Variants in CDH4 observed in about 807,000 individuals in gnomAD.
CDH4 encodes the protein cadherin 4, also known as cadherin-4.
CDH4 carries 33 observed loss-of-function variants against 86.0 expected under a neutral mutation model. That is an observed-to-expected ratio of 0.38 (90% CI 0.29 to 0.51). CDH4 has a LOEUF of 0.51. Ranked by LOEUF, CDH4 falls within the 20% of genes least tolerant of loss-of-function variation. The pLI, the probability that CDH4 is intolerant of heterozygous loss-of-function variation, is 0.86. For missense variants in CDH4, 1,114 were observed against 1,307.4 expected (o/e 0.85, Z 2.28); for synonymous variants, 555 against 549.4 (o/e 1.01, Z -0.14).
intron 5 of CDH4, among the ~76,000 whole-genome samples, chr20:61,850,149 G>A (rs777065657): frequency 7.9e-5 from 12 of 152,322 alleles, no homozygotes; most frequent in South Asian, 2.1e-4. Flanking sequence ...GAAGGATTCC[G>A]TAAGTTAGAC....
At chr20:61,288,001 T>C (rs960678333) in intron 2 of CDH4, among the ~76,000 whole-genome samples, 4 of 152,154 alleles carry the variant, frequency 2.6e-5, no homozygotes, top group Admixed American at 1.3e-4. Context: ...CAGTGAAATA[T>C]GAGTTCCACA....
At chr20:61,646,561 C>T (rs2427223) in intron 2 of CDH4, among the ~76,000 whole-genome samples, 37,414 of 152,130 alleles carry the variant, frequency 0.25, 4,731 homozygotes, top group South Asian at 0.36. Flanking sequence ...GTAGAGAGAA[C>T]GGGGTTGCTG....
intron 2 of CDH4, among the ~76,000 whole-genome samples, chr20:61,547,356 G>A (rs1333378617): frequency 3.9e-5 from 6 of 151,910 alleles, no homozygotes; most frequent in Non-Finnish European, 7.4e-5. Flanking sequence ...GGGACTACAG[G>A]CACCTGCCAC....
chr20:61,336,242 C>CT (rs915005201), intron 2 of CDH4, among the ~76,000 whole-genome samples: 21 of 151,934 alleles, frequency 1.4e-4, no homozygotes, highest in Non-Finnish European at 2.2e-4. Flanking sequence ...CTCAATAAGC[C>CT]TTTTTTTTCT....
At chr20:61,384,075 T>A (rs938887867) in intron 2 of CDH4, among the ~76,000 whole-genome samples, 2 of 151,988 alleles carry the variant, frequency 1.3e-5, no homozygotes, top group Non-Finnish European at 2.9e-5. Flanking sequence ...GTCTCTCTCT[T>A]CACATTTTTC....
intron 3 of CDH4, among the ~76,000 whole-genome samples, chr20:61,760,876 C>T (rs992851552): frequency 5.3e-5 from 8 of 152,146 alleles, no homozygotes; most frequent in African/African-American, 1.4e-4. Flanking sequence ...AGTGCCTTTT[C>T]GGAATGAAAC....
rs111474946 is a variant in CDH4, at chr20:61,281,555, T to G, written c.169+26618T>G. The stretch of plus-strand genomic sequence containing the variant: ...GCTTTGTGACAGCAGCCAGAAAGAC[T>G]GACACCAAGTGCTCCTGGTGGTCTG... On this transcript the variant is annotated intron_variant, in intron 2 of 15. Coordinates refer to ENST00000614565, the MANE Select transcript of CDH4 (RefSeq NM_001794.5). Among the ~76,000 whole-genome samples, 1,063 of 152,316 alleles carry G rather than the reference T, an allele frequency of 7.0e-3. 11 individuals are homozygous for G. Among genetic ancestry groups the G allele is most frequent in the African/African-American group, 0.024 (990 of 41,568 alleles).
chr20:61,258,713 T>C (rs1269828801), intron 2 of CDH4, among the ~76,000 whole-genome samples: 1 of 152,264 alleles, frequency 6.6e-6, no homozygotes, highest in African/African-American at 2.4e-5. Flanking sequence ...GACACGGTCA[T>C]GTGCCTGCCT....
chr20:61,454,441 G>A (rs760728497), intron 2 of CDH4, among the ~76,000 whole-genome samples: 1 of 151,976 alleles, frequency 6.6e-6, no homozygotes, highest in Non-Finnish European at 1.5e-5. Context: ...AGGGAGGGAG[G>A]GGCATTTTTT....
chr20:61,849,178 C>T (rs1022199288), intron 5 of CDH4, among the ~76,000 whole-genome samples: 2 of 152,032 alleles, frequency 1.3e-5, no homozygotes, highest in Non-Finnish European at 2.9e-5. Context: ...TCTGTCCCAC[C>T]GAGATGGAGG....
At chr20:61,299,964 G>T (rs968587152) in intron 2 of CDH4, among the ~76,000 whole-genome samples, 41 of 152,288 alleles carry the variant, frequency 2.7e-4, no homozygotes, top group African/African-American at 9.1e-4. Flanking sequence ...ATGTGTAGAG[G>T]GGGGACCAGG....
At chr20:61,750,871 A>G (rs981999044) in intron 3 of CDH4, among the ~76,000 whole-genome samples, 2 of 152,252 alleles carry the variant, frequency 1.3e-5, no homozygotes, top group African/African-American at 4.8e-5. Flanking sequence ...CTAGATCCCA[A>G]TTACAATAGC....
intron 2 of CDH4, among the ~76,000 whole-genome samples, chr20:61,499,011 G>C (rs1047447761): frequency 2.6e-5 from 4 of 152,172 alleles, no homozygotes; most frequent in African/African-American, 9.7e-5. Flanking sequence ...AGTAGGAGAT[G>C]GGGGCGTATT....
intron 2 of CDH4, among the ~76,000 whole-genome samples, chr20:61,312,243 GGT>G (rs1357584774): frequency 1.1e-4 from 16 of 151,202 alleles, no homozygotes; most frequent in African/African-American, 3.9e-4. Context: ...GCATGTGTGT[GGT>G]GTGTGTGTAT....
chr20:61,337,120 A>T (rs1412476404), intron 2 of CDH4, among the ~76,000 whole-genome samples: 1 of 151,866 alleles, frequency 6.6e-6, no homozygotes, highest in Non-Finnish European at 1.5e-5. Context: ...TCCCTCTCTG[A>T]GTGACTGATC....
chr20:61,857,458 C>CA lies in CDH4; in HGVS notation c.877+4569dup, dbSNP rs201909730. 5.3e-3 allele frequency among the ~76,000 whole-genome samples: 796 copies of CA among 151,042 alleles called. 10 individuals carry two copies. The highest frequency in any genetic ancestry group is 0.018 in the African/African-American group (726 of 41,186). ...GTGGAACCAAAATCAGGGTTCCCTC[C>CA]AAAAAAAAACAAGGTCCACCTGAAA... On this transcript the variant is annotated intron_variant, in intron 6 of 15. Coordinates refer to ENST00000614565, the MANE Select transcript of CDH4 (RefSeq NM_001794.5).
At chr20:61,832,831 G>T (rs1213374718) in intron 4 of CDH4, among the ~76,000 whole-genome samples, 2 of 152,178 alleles carry the variant, frequency 1.3e-5, no homozygotes, top group Non-Finnish European at 2.9e-5. Context: ...AGTTAGGGAA[G>T]CATCCGTTGT....
At chr20:61,536,699 C>CTACA (rs1249414164) in intron 2 of CDH4, among the ~76,000 whole-genome samples, 8 of 152,236 alleles carry the variant, frequency 5.3e-5, no homozygotes, top group African/African-American at 1.7e-4. Context: ...ACGTCTAGGC[C>CTACA]TACATACATA....
intron 7 of CDH4, among the ~76,000 whole-genome samples, chr20:61,883,183 G>A (rs1030110554): frequency 8.0e-5 from 12 of 150,880 alleles, no homozygotes; most frequent in Admixed American, 4.6e-4. Flanking sequence ...TCCACAGCTC[G>A]ACAGCCACAT....
Sources: gnomAD v4.1 joint callset for allele counts (sites outside exome capture counted in the v4.1 genomes callset) on GRCh38, gnomAD v4.1.1 for gene constraint, MANE v1.5 for transcripts, NCBI Gene and HGNC (gene_info 2026-07-23, HGNC 2026-07-21) for gene names.